The following C4orf36 variants were observed in gnomAD, a reference collection of about 807,000 sequenced individuals.
The protein encoded by C4orf36 is uncharacterized protein C4orf36.
Under a neutral mutation model 12.2 loss-of-function variants are expected in C4orf36, and 11 were observed. The ratio of observed to expected loss-of-function variants is 0.90; its 90% CI spans 0.57 to 1.49. The LOEUF is 1.49. Among genes scored for constraint, C4orf36 ranks in the 40% most tolerant of loss-of-function variants. The probability of loss-of-function intolerance (pLI) is 0.00; values close to 1 mark genes in which losing one functional copy is unlikely to be tolerated. For synonymous variants in C4orf36, 54 were observed against 51.3 expected (o/e 1.05, Z -0.22); for missense variants, 137 against 133.9 (o/e 1.02, Z -0.11).
the C4orf36 span, chr4:86,914,384 CTTCTTCCTTTTTTTT>C: frequency 4.5e-5 from 23 of 511,448 alleles, no homozygotes; most frequent in African/African-American, 4.0e-4. Context: ...TCCCGTTCTT[CTTCTTCCTTTTTTTT>C]TTTTTTTTTT....
At chr4:86,891,927 G>T in intron 1 of C4orf36, 2 of 914,132 alleles carry the variant, frequency 2.2e-6, no homozygotes, top group Non-Finnish European at 2.7e-6. Flanking sequence ...CAAAGGCTCT[G>T]CCTGCACAGG....
upstream of C4orf36, among the ~76,000 whole-genome samples, chr4:86,893,408 G>A (rs1374823748): frequency 6.6e-6 from 1 of 152,144 alleles, no homozygotes; most frequent in Non-Finnish European, 1.5e-5. Context: ...CCGACATGGT[G>A]AAACCCTGTC....
chr4:86,931,097 T>C, the C4orf36 span, among the ~76,000 whole-genome samples: 1 of 152,198 alleles, frequency 6.6e-6, no homozygotes, highest in Non-Finnish European at 1.5e-5. Flanking sequence ...ATCAATCTCC[T>C]ACCCACCGCA....
chr4:86,896,611 C>T (rs1348389387), upstream of C4orf36, among the ~76,000 whole-genome samples: 2 of 152,168 alleles, frequency 1.3e-5, no homozygotes, highest in African/African-American at 2.4e-5. Context: ...TCATTCTTCT[C>T]GCCCTTAAAT....
chr4:86,906,237 G>T, the C4orf36 span, among the ~76,000 whole-genome samples: 1 of 152,160 alleles, frequency 6.6e-6, no homozygotes, highest in African/African-American at 2.4e-5. Flanking sequence ...GTTTATTAAA[G>T]AGGAGGGCCC....
At chr4:86,923,291 A>C in the C4orf36 span, among the ~76,000 whole-genome samples, 78 of 151,738 alleles carry the variant, frequency 5.1e-4, no homozygotes, top group Non-Finnish European at 9.3e-4. Context: ...GGGTCTCACT[A>C]TGTTGCCTAA....
At chr4:86,882,000 C>A (rs900689109) in intron 4 of C4orf36, among the ~76,000 whole-genome samples, 1 of 152,130 alleles carries the variant, frequency 6.6e-6, no homozygotes, top group African/African-American at 2.4e-5. Flanking sequence ...AATCAATGAT[C>A]GTCTATTGAG....
chr4:86,907,249 G>A, the C4orf36 span, among the ~76,000 whole-genome samples: 5 of 152,206 alleles, frequency 3.3e-5, no homozygotes, highest in South Asian at 1.0e-3. Context: ...AGGGCGATAG[G>A]GAGTGGAGCC....
the C4orf36 span, among the ~76,000 whole-genome samples, chr4:86,904,950 T>C: frequency 6.6e-6 from 1 of 152,064 alleles, no homozygotes; most frequent in East Asian, 1.9e-4. Context: ...TAAGACTAAA[T>C]GAGGGGCGGT....
At chr4:86,903,851 G>A in the C4orf36 span, among the ~76,000 whole-genome samples, 1 of 152,072 alleles carries the variant, frequency 6.6e-6, no homozygotes, top group Non-Finnish European at 1.5e-5. Flanking sequence ...GTGGTGATTG[G>A]TGCATTTACA....
At chr4:86,901,470 C>T in the C4orf36 span, among the ~76,000 whole-genome samples, 14 of 151,986 alleles carry the variant, frequency 9.2e-5, no homozygotes, top group East Asian at 1.4e-3. Context: ...TCCAGTGGCG[C>T]GATCTCGGCT....
chr4:86,910,196 C>T, the C4orf36 span, among the ~76,000 whole-genome samples: 1 of 152,112 alleles, frequency 6.6e-6, no homozygotes, highest in African/African-American at 2.4e-5. Flanking sequence ...AATCCCAGCA[C>T]TTTCGGAGGC....
the C4orf36 span, among the ~76,000 whole-genome samples, chr4:86,898,861 T>G: frequency 2.6e-4 from 39 of 152,284 alleles, no homozygotes; most frequent in East Asian, 7.2e-3. Context: ...TCAACTGAAC[T>G]CTTCCTGAGG....
chr4:86,893,199 C>A (rs1193059288), upstream of C4orf36, among the ~76,000 whole-genome samples: 4 of 152,158 alleles, frequency 2.6e-5, no homozygotes, highest in Non-Finnish European at 5.9e-5. Context: ...AATTGTGGAG[C>A]CGACGAATGA....
intron 4 of C4orf36, among the ~76,000 whole-genome samples, chr4:86,879,628 A>G (rs1747001748): frequency 6.6e-6 from 1 of 152,086 alleles, no homozygotes. Flanking sequence ...TTGAAGAGAT[A>G]ATGGCCAAAA....
At chr4:86,920,696 C>G in the C4orf36 span, among the ~76,000 whole-genome samples, 1 of 152,312 alleles carries the variant, frequency 6.6e-6, no homozygotes, top group East Asian at 1.9e-4. Context: ...AAATTCACTT[C>G]TATAACCAAA....
At chr4:86,905,998 C>T in the C4orf36 span, among the ~76,000 whole-genome samples, 2 of 152,140 alleles carry the variant, frequency 1.3e-5, no homozygotes, top group African/African-American at 2.4e-5. Context: ...TGGGATTACC[C>T]ACGTGAGCCA....
At chr4:86,901,088 G>C in the C4orf36 span, among the ~76,000 whole-genome samples, 1 of 151,244 alleles carries the variant, frequency 6.6e-6, no homozygotes, top group Non-Finnish European at 1.5e-5. Context: ...GGGTTCAAGT[G>C]ATTCTCGCGC....
chr4:86,888,801 A>G (rs980806990), intron 2 of C4orf36, among the ~76,000 whole-genome samples: 3 of 152,186 alleles, frequency 2.0e-5, no homozygotes, highest in Non-Finnish European at 4.4e-5. Flanking sequence ...CATGTTTCTC[A>G]TCTGCAGTCA....
Sources: gnomAD v4.1 joint callset for allele counts (sites outside exome capture counted in the v4.1 genomes callset) on GRCh38, gnomAD v4.1.1 for gene constraint, MANE v1.5 for transcripts, NCBI Gene and HGNC (gene_info 2026-07-23, HGNC 2026-07-21) for gene names.